SLC45A4: variants seen among roughly 807,000 people sequenced by gnomAD.
SLC45A4 encodes the protein polyamine-transporter SLC45A4.
SLC45A4 carries 32 observed loss-of-function variants against 63.7 expected under a neutral mutation model. That is an observed-to-expected ratio of 0.50 (90% CI 0.38 to 0.67). The LOEUF (loss-of-function observed/expected upper bound fraction) is 0.67. SLC45A4 is among the 30% of genes least tolerant of loss of function. The pLI is 0.00. For synonymous variants in SLC45A4, 535 were observed against 510.0 expected (o/e 1.05, Z -0.66); for missense variants, 1,027 against 1,157.7 (o/e 0.89, Z 1.64).
At chr8:141,305,365 C>A (rs1256132288) in intron 1 of SLC45A4, among the ~76,000 whole-genome samples, 1 of 152,152 alleles carries the variant, frequency 6.6e-6, no homozygotes, top group African/African-American at 2.4e-5. Flanking sequence ...AGGTTTGCTC[C>A]CTCTGGTCAA....
At chr8:141,241,493 T>G (rs1450765023) in intron 2 of SLC45A4, among the ~76,000 whole-genome samples, 2 of 152,290 alleles carry the variant, frequency 1.3e-5, no homozygotes, top group Non-Finnish European at 2.9e-5. Context: ...CTGAACTTGG[T>G]GAAGGCGCTG....
rs748891657 is a variant in SLC45A4 at position 141,217,207 on chromosome 8, CG to C, written c.1630-19del. ...GAGGGGGCCTGTTCCGGAAATGAGA[CG>C]GGGGCTGACGAGGGCATCTGCTGGG... On this transcript the variant is annotated intron_variant, in intron 5 of 8. Coordinates refer to ENST00000517878, the MANE Select transcript of SLC45A4 (RefSeq NM_001286646.2). 6.2e-7 allele frequency: 1 copy of C among 1,612,018 alleles called. No homozygotes were observed. Among genetic ancestry groups the C allele is most frequent in the Non-Finnish European group, 8.5e-7 (1 of 1,179,174 alleles).
At chr8:141,276,169 TGGGA>T (rs1829720891) in intron 1 of SLC45A4, among the ~76,000 whole-genome samples, 2 of 152,206 alleles carry the variant, frequency 1.3e-5, no homozygotes, top group African/African-American at 4.8e-5. Context: ...CCCAAATTGC[TGGGA>T]TTACAAGTGT....
chr8:141,274,995 G>A (rs1829678347), intron 1 of SLC45A4, among the ~76,000 whole-genome samples: 1 of 152,238 alleles, frequency 6.6e-6, no homozygotes, highest in African/African-American at 2.4e-5. Flanking sequence ...TTCTCTTCGT[G>A]CTCTCCTGTC....
chr8:141,240,244 C>T (rs1008706165), intron 2 of SLC45A4, among the ~76,000 whole-genome samples: 6 of 152,234 alleles, frequency 3.9e-5, no homozygotes, highest in African/African-American at 1.4e-4. Context: ...TCACGATCTT[C>T]GTCGAGTGGA....
rs1827108480 is a variant in SLC45A4, at chr8:141,227,847, T to C, written c.242-6082A>G. ...GTGGAGGGGACAGCAGCACCTTGAG[T>C]GTTCTCACATGTGCCGCCTTCCCAC... On this transcript the variant is annotated intron_variant, in intron 2 of 8. Transcript: ENST00000517878. This position sits in a 1 kb window ranked among gnomAD's most constrained non-coding sequence, Gnocchi z 4.4. Among the ~76,000 whole-genome samples, 1 of 152,100 alleles carries C rather than the reference T, an allele frequency of 6.6e-6. No homozygotes were observed. Among genetic ancestry groups the C allele is most frequent in the Non-Finnish European group, 1.5e-5 (1 of 68,010 alleles).
intron 2 of SLC45A4, among the ~76,000 whole-genome samples, chr8:141,246,609 G>GCCAAGGCAGCACCAGA: frequency 4.8e-5 from 1 of 20,898 alleles, no homozygotes; most frequent in Admixed American, 4.3e-4. Flanking sequence ...TTACTCAAGG[G>GCCAAGGCAGCACCAGA]GAGGGCATTG....
At chr8:141,211,882 A>T (rs1825839622) in intron 8 of SLC45A4, 185 bp from the exon 9 acceptor site, 1 of 1,258,864 alleles carries the variant, frequency 7.9e-7, no homozygotes, top group Non-Finnish European at 1.0e-6. Flanking sequence ...ATTTAAAAAC[A>T]TGCAGAATAA....
Position 141,215,945 on chromosome 8 carries a change from G to C in SLC45A4, c.1755C>G (p.Asn585Lys). The stretch of plus-strand genomic sequence containing the variant: ...AGATCACCCTGACGCTCAGGTCGTA[G>C]TTGTCCAAGTACTTCTGTAACAGGG... The part of the protein sequence containing the change: ...CSALLQKYLD[N>K]YDLSVRVIYV... Residue 585 changes from asparagine to lysine, a missense_variant, in exon 7 of 9, where the codon AAC becomes AAG. Transcript: ENST00000517878. The surrounding 1 kb of genome is among the most constrained non-coding windows in gnomAD (Gnocchi z 4.3). The C allele has an allele frequency of 6.2e-7, 1 of 1,613,896 alleles. No homozygotes were observed. The highest frequency in any genetic ancestry group is 8.5e-7 in the Non-Finnish European group (1 of 1,179,966).
intron 2 of SLC45A4, among the ~76,000 whole-genome samples, chr8:141,244,896 C>T (rs916539107): frequency 2.1e-5 from 3 of 139,730 alleles, no homozygotes; most frequent in African/African-American, 8.1e-5. Context: ...GCACCAGGGC[C>T]CAGAAAACCT....
At chr8:141,236,856 G>T (rs1371038854) in intron 2 of SLC45A4, among the ~76,000 whole-genome samples, 1 of 152,364 alleles carries the variant, frequency 6.6e-6, no homozygotes, top group East Asian at 1.9e-4. Flanking sequence ...CCCAGTGGAT[G>T]AGGGCGCGGA....
At chr8:141,250,954 T>C (rs1005391239) in intron 2 of SLC45A4, among the ~76,000 whole-genome samples, 1 of 152,194 alleles carries the variant, frequency 6.6e-6, no homozygotes, top group African/African-American at 2.4e-5. Context: ...TCCAAGGTGT[T>C]GTGGAAGTAT....
intron 2 of SLC45A4, among the ~76,000 whole-genome samples, chr8:141,250,896 T>C (rs10093988): frequency 0.27 from 40,346 of 152,108 alleles, 5,732 homozygotes; most frequent in East Asian, 0.39. Context: ...AACAAAACAA[T>C]GAAACGTGCA....
intron 1 of SLC45A4, among the ~76,000 whole-genome samples, chr8:141,303,939 C>G (rs1473825825): frequency 1.3e-5 from 2 of 152,214 alleles, no homozygotes; most frequent in Non-Finnish European, 2.9e-5. Context: ...CCTTCAGCTG[C>G]CTCAGGATCC....
At chr8:141,235,829 T>G (rs1827598636) in intron 2 of SLC45A4, among the ~76,000 whole-genome samples, 1 of 152,132 alleles carries the variant, frequency 6.6e-6, no homozygotes, top group Non-Finnish European at 1.5e-5. Context: ...TGGCCAGGCG[T>G]GGTGGCTCAC....
chr8:141,211,760 A>C, intron 8 of SLC45A4, 63 bp from the exon 9 acceptor site: 5 of 1,461,490 alleles, frequency 3.4e-6, no homozygotes, highest in Non-Finnish European at 4.5e-6. Flanking sequence ...TATCTGAAGC[A>C]TTCAGATAAG....
rs897362142 is a variant in SLC45A4 at position 141,215,270 on chromosome 8, G to T, written c.1941+489C>A. Among the ~76,000 whole-genome samples, 24 of 152,188 alleles carry T rather than the reference G, an allele frequency of 1.6e-4. No individual in the cohort carries two copies. Among genetic ancestry groups the T allele is most frequent in the Non-Finnish European group, 2.9e-5 (2 of 68,046 alleles). On this transcript the variant is annotated intron_variant, in intron 7 of 8. Transcript: ENST00000517878. This position sits in a 1 kb window ranked among gnomAD's most constrained non-coding sequence, Gnocchi z 4.3. The stretch of plus-strand genomic sequence containing the variant: ...GATGAGCAAGAGTGTAAGGTATCTC[G>T]ATGACTTTTTTCATATAGAGTACAT...
intron 1 of SLC45A4, among the ~76,000 whole-genome samples, chr8:141,307,441 T>C (rs1211795240): frequency 6.6e-6 from 1 of 151,412 alleles, no homozygotes; most frequent in African/African-American, 2.4e-5. Flanking sequence ...AGTCTGGCGG[T>C]GCAGGCTGGG....
chr8:141,251,455 C>T (rs939224404), intron 2 of SLC45A4, among the ~76,000 whole-genome samples: 3 of 151,958 alleles, frequency 2.0e-5, no homozygotes, highest in African/African-American at 7.3e-5. Flanking sequence ...CCCCCTGCCA[C>T]AGAGCTAAGC....
Sources: allele counts gnomAD v4.1 joint callset (sites outside exome capture counted in the v4.1 genomes callset), GRCh38; gene constraint gnomAD v4.1.1; non-coding constraint Gnocchi (gnomAD v3.1); transcripts MANE v1.5; gene names NCBI Gene and HGNC (gene_info 2026-07-23, HGNC 2026-07-21).